The following ADAMTS9 variants were observed in gnomAD, a reference collection of about 807,000 sequenced individuals.
The protein encoded by ADAMTS9 is ADAM metallopeptidase with thrombospondin type 1 motif 9.
In ADAMTS9, 107 loss-of-function variants were observed where a neutral mutation model predicts 257.1. The observed-to-expected ratio is 0.42, with a 90% confidence interval of 0.36 to 0.49. The LOEUF is 0.49. Ranked by LOEUF, ADAMTS9 falls within the 20% of genes least tolerant of loss-of-function variation. ADAMTS9 has a pLI of 0.03. For missense variants in ADAMTS9, 2,353 were observed against 2,469.1 expected, an observed-to-expected ratio of 0.95 and a Z score of 1.00; for synonymous variants, 982 against 880.9, an observed-to-expected ratio of 1.11 and a Z score of -2.03.
At chr3:64,596,162 GA>G (rs1230895149) in intron 27 of ADAMTS9, among the ~76,000 whole-genome samples, 2 of 152,188 alleles carry the variant, frequency 1.3e-5, no homozygotes, top group Admixed American at 1.3e-4. Context: ...CTTATTTACA[GA>G]TGAGGATATA....
intron 9 of ADAMTS9, 133 bp downstream of exon 9, chr3:64,650,884 T>TTG: frequency 4.2e-6 from 3 of 708,516 alleles, no homozygotes; most frequent in Non-Finnish European, 6.2e-6. Context: ...TTTTTTTTTT[T>TTG]GCCTTCTCCA....
chr3:64,527,657 G>T (rs1404387555), intron 38 of ADAMTS9, among the ~76,000 whole-genome samples: 6 of 150,960 alleles, frequency 4.0e-5, no homozygotes, highest in Non-Finnish European at 7.4e-5. Flanking sequence ...AGCATATAGG[G>T]TTTTTTTTTC....
At position 64,687,680 on chromosome 3, in the gene ADAMTS9, G is replaced by A; in HGVS notation, c.-23C>T. The A allele has an allele frequency of 1.5e-6, 2 of 1,346,898 alleles. No individual in the cohort carries two copies. The highest frequency in any genetic ancestry group is 2.4e-5 in the Admixed American group (1 of 41,824). The allele number at this position is 1,346,898 out of a possible 1,614,324, so 83.4% of individuals were successfully genotyped here. On this transcript the variant is annotated 5_prime_UTR_variant, in exon 1 of 40. Transcript: ENST00000498707. This position sits in a 1 kb window ranked among gnomAD's most constrained non-coding sequence, Gnocchi z 4.4. ...CATGGTGCTTCCCACCCCTCCCTCCGCTGCCCCCACCCCCCTCCCTCCTGC... is the reference window on the plus strand; with the variant it reads ...CATGGTGCTTCCCACCCCTCCCTCCACTGCCCCCACCCCCCTCCCTCCTGC...
chr3:64,681,521 A>T (rs1448156555), intron 2 of ADAMTS9, among the ~76,000 whole-genome samples, 158 bp from the exon 3 acceptor site: 1 of 152,202 alleles, frequency 6.6e-6, no homozygotes, highest in African/African-American at 2.4e-5. Flanking sequence ...TATGCGGAGA[A>T]GTGGTTTATT....
intron 16 of ADAMTS9, among the ~76,000 whole-genome samples, chr3:64,628,920 A>C (rs1312870618): frequency 6.6e-6 from 1 of 152,226 alleles, no homozygotes; most frequent in African/African-American, 2.4e-5. Context: ...TAGTGGTCGT[A>C]TAATAAATAT....
intron 12 of ADAMTS9, among the ~76,000 whole-genome samples, chr3:64,636,798 A>G (rs545298075): frequency 6.6e-6 from 1 of 152,344 alleles, no homozygotes; most frequent in South Asian, 2.1e-4. Flanking sequence ...TTCTTCGTAT[A>G]TCAGTAAGGT....
At chr3:64,527,852 C>T (rs1008754861) in intron 38 of ADAMTS9, among the ~76,000 whole-genome samples, 3 of 152,080 alleles carry the variant, frequency 2.0e-5, no homozygotes, top group Non-Finnish European at 2.9e-5. Context: ...ACAGCAAGTT[C>T]GGAGGCAGCC....
chr3:64,654,736 A>C, intron 6 of ADAMTS9, 124 bp from the exon 7 acceptor site: 4 of 1,040,318 alleles, frequency 3.8e-6, no homozygotes, highest in Non-Finnish European at 5.7e-6. Flanking sequence ...TAAAAAAAGC[A>C]AATTCATAAG....
At chr3:64,654,735 C>A in intron 6 of ADAMTS9, 123 bp from the exon 7 acceptor site, 2 of 1,048,834 alleles carry the variant, frequency 1.9e-6, no homozygotes, top group South Asian at 1.6e-5. Context: ...TTAAAAAAAG[C>A]AAATTCATAA....
chr3:64,675,090 C>T (rs553269042), intron 3 of ADAMTS9, among the ~76,000 whole-genome samples: 9 of 152,128 alleles, frequency 5.9e-5, no homozygotes, highest in African/African-American at 1.4e-4. Flanking sequence ...AAATCAATAC[C>T]GAGGCCAAAA....
At chr3:64,661,723 T>C (rs1466835105) in intron 3 of ADAMTS9, among the ~76,000 whole-genome samples, 1 of 152,180 alleles carries the variant, frequency 6.6e-6, no homozygotes, top group Non-Finnish European at 1.5e-5. Context: ...TTTTTGCTTT[T>C]TACAACAGGT....
At chr3:64,530,359 C>T (rs1211109771) in intron 38 of ADAMTS9, among the ~76,000 whole-genome samples, 1 of 151,920 alleles carries the variant, frequency 6.6e-6, no homozygotes, top group Non-Finnish European at 1.5e-5. Context: ...ATTGCTAGGA[C>T]ATGCTTCTCT....
Position 64,541,097 on chromosome 3 carries a change from A to G in ADAMTS9, c.5519T>C (p.Ile1840Thr), listed in dbSNP as rs764046280. Residue 1840 changes from isoleucine to threonine, a missense_variant and splice_region_variant, in exon 36 of 40, where the codon ATC becomes ACC. Physicochemically the swap from Ile to Thr is moderately conservative, Grantham distance 89. This residue lies in a region of ADAMTS9 where 1,402 missense variants were observed against 1,441.4 expected (regional missense o/e 0.97). Transcript: ENST00000498707. ...CAAAGGACTCCTCACTAACTTACTG[A>G]TTATCTGCATGCTGGTCAGGTCTAT... ...IRIDLTSMQI[I>T]TTDLQFARTS... 11 of 1,613,896 alleles carry G rather than the reference A, an allele frequency of 6.8e-6. No individual in the cohort carries two copies. Among genetic ancestry groups the G allele is most frequent in the African/African-American group, 1.3e-5 (1 of 75,028 alleles).
chr3:64,685,881 G>C (rs1377616442), intron 2 of ADAMTS9, among the ~76,000 whole-genome samples: 4 of 152,142 alleles, frequency 2.6e-5, no homozygotes, highest in Admixed American at 2.0e-4. Context: ...AGGGTGCAGA[G>C]TTGGACTGCG....
At chr3:64,594,859 T>A (rs2106791396) in intron 27 of ADAMTS9, among the ~76,000 whole-genome samples, 1 of 152,306 alleles carries the variant, frequency 6.6e-6, no homozygotes, top group African/African-American at 2.4e-5. Context: ...CGATCTCGGC[T>A]CACTGCAACC....
intron 16 of ADAMTS9, among the ~76,000 whole-genome samples, chr3:64,627,592 T>C (rs1246205948): frequency 6.6e-6 from 1 of 152,182 alleles, no homozygotes; most frequent in Non-Finnish European, 1.5e-5. Context: ...GGATGACCTT[T>C]GACAGGAAGG....
intron 18 of ADAMTS9, among the ~76,000 whole-genome samples, 167 bp from the exon 19 acceptor site, chr3:64,621,407 C>G (rs1700100795): frequency 6.6e-6 from 1 of 152,102 alleles, no homozygotes. Context: ...GCAAAAGCAG[C>G]CACTCACAGG....
At chr3:64,668,842 C>T (rs375318135) in intron 3 of ADAMTS9, among the ~76,000 whole-genome samples, 2 of 152,132 alleles carry the variant, frequency 1.3e-5, no homozygotes, top group African/African-American at 4.8e-5. Flanking sequence ...ATTCTCATAT[C>T]AGAGATTAAA....
At position 64,544,955 on chromosome 3, in the gene ADAMTS9, T is replaced by C. The variant is rs182519893; in HGVS notation, c.5064+1803A>G. ...CCCATCAACAAGTGGGCGATGGATA[T>C]GAACAGACACTTCTCAAAAGAAGAC... On this transcript the variant is annotated intron_variant, in intron 32 of 39. Coordinates refer to ENST00000498707, the MANE Select transcript of ADAMTS9 (RefSeq NM_182920.2). Among the ~76,000 whole-genome samples, 910 of 152,148 alleles carry C rather than the reference T, an allele frequency of 6.0e-3. 12 individuals are homozygous for C. Among genetic ancestry groups the C allele is most frequent in the African/African-American group, 0.02 (843 of 41,492 alleles).
Sources: gnomAD v4.1 joint callset for allele counts (sites outside exome capture counted in the v4.1 genomes callset) on GRCh38, gnomAD v4.1.1 for gene constraint, gnomAD v4.1.1 regional missense constraint, Gnocchi (gnomAD v3.1) non-coding constraint, MANE v1.5 for transcripts, NCBI Gene and HGNC (gene_info 2026-07-23, HGNC 2026-07-21) for gene names.